The following CSMD3 variants were observed in gnomAD, a reference collection of about 807,000 sequenced individuals.
CSMD3 encodes the protein CUB and sushi domain-containing protein 3.
In CSMD3, 177 loss-of-function variants were observed where a neutral mutation model predicts 435.2. The ratio of observed to expected loss-of-function variants is 0.41; its 90% CI spans 0.36 to 0.46. The LOEUF (loss-of-function observed/expected upper bound fraction) is 0.46, where lower values mean the gene tolerates loss of function less well. Ranked by LOEUF, CSMD3 falls within the 20% of genes least tolerant of loss-of-function variation. The pLI, the probability that CSMD3 is intolerant of heterozygous loss-of-function variation, is 0.34. For synonymous variants in CSMD3, 1,656 were observed against 1,520.5 expected, an observed-to-expected ratio of 1.09 and a Z score of -2.07; for missense variants, 4,265 against 4,504.6, an observed-to-expected ratio of 0.95 and a Z score of 1.52.
chr8:112,996,746 A>G lies in CSMD3; in HGVS notation c.1031-20598T>C, dbSNP rs1321533617. Among the ~76,000 whole-genome samples, 3 of 151,676 alleles carry G rather than the reference A, an allele frequency of 2.0e-5. No individual in the cohort carries two copies. In the Admixed American group the frequency reaches 2.0e-4, roughly 10 times the overall value. ...ATCTTAGCAGGTTTTTAAAAATGACAGATTGACTTTTGGCTAGAGATGAAC... is the reference window on the plus strand; with the variant it reads ...ATCTTAGCAGGTTTTTAAAAATGACGGATTGACTTTTGGCTAGAGATGAAC... On this transcript the variant is annotated intron_variant, in intron 6 of 70. Transcript: ENST00000297405.
At chr8:112,843,488 A>G (rs548409119) in intron 11 of CSMD3, among the ~76,000 whole-genome samples, 1 of 152,094 alleles carries the variant, frequency 6.6e-6, no homozygotes, top group South Asian at 2.1e-4. Context: ...ACATGTCAAA[A>G]GGGACTTGAA....
intron 40 of CSMD3, among the ~76,000 whole-genome samples, chr8:112,350,269 A>G (rs1826016389): frequency 7.0e-6 from 1 of 142,544 alleles, no homozygotes; most frequent in Non-Finnish European, 1.5e-5. Flanking sequence ...CACACAAGTC[A>G]TGGACTTTTT....
chr8:112,580,185 G>A (rs1179416039), intron 23 of CSMD3, among the ~76,000 whole-genome samples: 1 of 152,000 alleles, frequency 6.6e-6, no homozygotes, highest in Non-Finnish European at 1.5e-5. Flanking sequence ...ATTGCACAGA[G>A]CCTACATATA....
intron 3 of CSMD3, among the ~76,000 whole-genome samples, chr8:113,202,943 G>C (rs896346377): frequency 6.6e-6 from 1 of 152,060 alleles, no homozygotes; most frequent in East Asian, 1.9e-4. Context: ...AACAAACCTA[G>C]TATTTGGCAA....
chr8:112,906,707 G>A (rs193172172), intron 10 of CSMD3, among the ~76,000 whole-genome samples: 30 of 151,400 alleles, frequency 2.0e-4, no homozygotes, highest in Admixed American at 1.8e-3. Context: ...ATCTCCCAAG[G>A]TTTCAGCCTC....
intron 24 of CSMD3, among the ~76,000 whole-genome samples, chr8:112,561,395 T>G (rs1288692129): frequency 6.6e-6 from 1 of 151,670 alleles, no homozygotes; most frequent in African/African-American, 2.4e-5. Flanking sequence ...AAACTGAGAT[T>G]TCATTCCTTT....
At chr8:112,839,905 T>C (rs2132525455) in intron 11 of CSMD3, among the ~76,000 whole-genome samples, 1 of 151,884 alleles carries the variant, frequency 6.6e-6, no homozygotes. Context: ...TTTATCCTTG[T>C]TATTTTTCTT....
intron 1 of CSMD3, among the ~76,000 whole-genome samples, chr8:113,360,677 C>T (rs1187066278): frequency 6.7e-6 from 1 of 148,992 alleles, no homozygotes; most frequent in Admixed American, 6.8e-5. Flanking sequence ...GGGTTCACGC[C>T]ATTCTCCTGC....
At chr8:112,309,671 C>T (rs1036317309) in intron 50 of CSMD3, among the ~76,000 whole-genome samples, 1 of 152,004 alleles carries the variant, frequency 6.6e-6, no homozygotes, top group Non-Finnish European at 1.5e-5. Context: ...AATGGTGCTT[C>T]CCAGAATCCT....
chr8:112,840,588 A>G (rs554607028), intron 11 of CSMD3, among the ~76,000 whole-genome samples: 6 of 151,912 alleles, frequency 3.9e-5, no homozygotes, highest in African/African-American at 1.2e-4. Context: ...GGTGATAAAT[A>G]TAATAATTAT....
rs956477745 is a variant in CSMD3, at chr8:112,485,903, A to T, written c.5278+6586T>A. On this transcript the variant is annotated intron_variant, in intron 31 of 70. Transcript: ENST00000297405. ...ATATTTGTGTTTAGGCACTTTTGAC[A>T]GACCTTAGAGGTCATCAGTGATTGA... 6.6e-5 allele frequency among the ~76,000 whole-genome samples: 10 copies of T among 151,618 alleles called. No individual in the cohort carries two copies. In the East Asian group the frequency reaches 1.9e-3, roughly 29 times the overall value.
At chr8:112,274,999 CT>C (rs113384564) in intron 59 of CSMD3, among the ~76,000 whole-genome samples, 19,295 of 151,952 alleles carry the variant, frequency 0.13, 3,614 homozygotes, top group African/African-American at 0.41. Flanking sequence ...CATAAAGAAC[CT>C]TTTGATGCTT....
intron 3 of CSMD3, among the ~76,000 whole-genome samples, chr8:113,183,990 G>T (rs1486909841): frequency 6.6e-6 from 1 of 151,954 alleles, no homozygotes; most frequent in Non-Finnish European, 1.5e-5. Flanking sequence ...TAGGTTGAGG[G>T]CTTAATCCCC....
intron 12 of CSMD3, among the ~76,000 whole-genome samples, chr8:112,829,229 C>T (rs771878868): frequency 6.6e-6 from 1 of 152,096 alleles, no homozygotes; most frequent in East Asian, 1.9e-4. Flanking sequence ...GATAAATTCA[C>T]ATCCTGGAGA....
intron 45 of CSMD3, among the ~76,000 whole-genome samples, chr8:112,323,518 C>T (rs1586768071): frequency 6.6e-6 from 1 of 152,112 alleles, no homozygotes. Flanking sequence ...TTCAATATGA[C>T]TAGTGTCCCT....
rs141834837 is a variant in CSMD3, at chr8:112,573,645, T to C, written c.3898A>G (p.Lys1300Glu). 1 of 1,610,998 alleles carries C rather than the reference T, an allele frequency of 6.2e-7. No individual in the cohort carries two copies. Among genetic ancestry groups the C allele is most frequent in the African/African-American group, 1.3e-5 (1 of 74,976 alleles). The change falls in exon 24 of 71, where the codon AAA (lysine) becomes GAA (glutamate). Residue 1300 changes from lysine to glutamate, a missense_variant. By Grantham distance (56) the Lys-to-Glu change is moderately conservative (BLOSUM62 1). Around this residue, in one of 3 missense-constraint regions of CSMD3, gnomAD observed 3,255 missense variants for 3,380.2 expected, o/e 0.96. Transcript: ENST00000297405. ...CCTAGTAGATGAGTCGTTTTATCTT[T>C]TCCATCATAAATCTGCAAAATATAT... ...QGDVLKIYDGKDKTTHLLGAF... is the reference protein window; with the variant it reads ...QGDVLKIYDGEDKTTHLLGAF...
chr8:112,848,611 A>T (rs551407993), intron 11 of CSMD3, among the ~76,000 whole-genome samples: 116 of 152,160 alleles, frequency 7.6e-4, no homozygotes, highest in Non-Finnish European at 1.3e-3. Context: ...AATTCCTTAA[A>T]CTTACAAGGT....
rs556732853 is a variant in CSMD3, at chr8:113,259,329, A to G, written c.514+19263T>C. On this transcript the variant is annotated intron_variant, in intron 3 of 70. Transcript: ENST00000297405. ...AGAACATGCTTAAAATAATTGTACT[A>G]GTAGATGAGATATTGTCCTATAAGA... Among the ~76,000 whole-genome samples, 3 of 152,280 alleles carry G rather than the reference A, an allele frequency of 2.0e-5. No homozygotes were observed. In the East Asian group the frequency reaches 5.8e-4, roughly 29 times the overall value.
rs200958191 is a variant in CSMD3 at position 112,525,821 on chromosome 8, T to TAAAA, written c.4565-8600_4565-8597dup. ...GTATATATATATATACACACACATATAAAAAATATATATATATATATACAG... is the reference window on the plus strand; with the variant it reads ...GTATATATATATATACACACACATATAAAAAAAAAATATATATATATATATACAG... On this transcript the variant is annotated intron_variant, in intron 27 of 70. Transcript: ENST00000297405. Among the ~76,000 whole-genome samples the TAAAA allele has an allele frequency of 3.5e-3, 467 of 132,498 alleles. 3 individuals carry two copies. The highest frequency in any genetic ancestry group is 0.012 in the African/African-American group (407 of 34,364). 86.9% of individuals were successfully genotyped at this position (132,498 alleles called of 152,430 possible). A position where few individuals can be genotyped will look rare whatever the true frequency, so the allele number is the denominator to read the frequency against.
Sources: gnomAD v4.1 joint callset for allele counts (sites outside exome capture counted in the v4.1 genomes callset) on GRCh38, gnomAD v4.1.1 for gene constraint, gnomAD v4.1.1 regional missense constraint, MANE v1.5 for transcripts, NCBI Gene and HGNC (gene_info 2026-07-23, HGNC 2026-07-21) for gene names.